Variants in CDC73 observed in about 807,000 individuals in gnomAD.
CDC73 encodes the protein parafibromin.
Under a neutral mutation model 83.7 loss-of-function variants are expected in CDC73, and 21 were observed. The observed-to-expected ratio is 0.25, with a 90% CI of 0.18 to 0.36. The LOEUF (loss-of-function observed/expected upper bound fraction) is 0.36, where lower values mean the gene tolerates loss of function less well. Ranked by LOEUF, CDC73 falls within the 10% of genes least tolerant of loss-of-function variation. CDC73 has a pLI of 1.00. For synonymous variants in CDC73, 224 were observed against 212.9 expected, an observed-to-expected ratio of 1.05 and a Z score of -0.45; for missense variants, 342 against 653.3, an observed-to-expected ratio of 0.52 and a Z score of 5.19.
At chr1:193,196,632 A>G (rs1677007411) in intron 10 of CDC73, among the ~76,000 whole-genome samples, 1 of 152,138 alleles carries the variant, frequency 6.6e-6, no homozygotes, top group African/African-American at 2.4e-5. Flanking sequence ...TTTTAGCAAT[A>G]TTTTATAGTT....
chr1:193,213,246 T>G (rs1024365149), intron 13 of CDC73, among the ~76,000 whole-genome samples: 1 of 152,152 alleles, frequency 6.6e-6, no homozygotes, highest in African/African-American at 2.4e-5. Flanking sequence ...ATATAAAAAT[T>G]GTTTTAAATA....
chr1:193,124,572 T>C (rs1257840366), intron 1 of CDC73, among the ~76,000 whole-genome samples: 1 of 152,222 alleles, frequency 6.6e-6, no homozygotes, highest in South Asian at 2.1e-4. Context: ...CTACATTGTT[T>C]TATCACAGGT....
intron 3 of CDC73, among the ~76,000 whole-genome samples, chr1:193,131,749 A>G (rs987334007): frequency 6.6e-6 from 1 of 152,144 alleles, no homozygotes; most frequent in African/African-American, 2.4e-5. Flanking sequence ...CACATGGCTC[A>G]CTTGCTTACT....
At chr1:193,241,666 T>C (rs1330122356) in intron 15 of CDC73, among the ~76,000 whole-genome samples, 1 of 152,002 alleles carries the variant, frequency 6.6e-6, no homozygotes, top group African/African-American at 2.4e-5. Context: ...GTAACAGTTG[T>C]GGTGGTAGTG....
At chr1:193,132,082 T>G (rs950355027) in intron 3 of CDC73, among the ~76,000 whole-genome samples, 5 of 152,232 alleles carry the variant, frequency 3.3e-5, no homozygotes, top group Non-Finnish European at 7.3e-5. Flanking sequence ...TAATTTACTC[T>G]CTTACAGAGT....
intron 7 of CDC73, among the ~76,000 whole-genome samples, chr1:193,142,727 C>T (rs960151244): frequency 6.6e-6 from 1 of 151,812 alleles, no homozygotes; most frequent in African/African-American, 2.4e-5. Flanking sequence ...CATTGTTGTA[C>T]ACGTACCTTT....
intron 10 of CDC73, among the ~76,000 whole-genome samples, chr1:193,203,298 G>A (rs1677123078): frequency 6.6e-6 from 1 of 151,906 alleles, no homozygotes; most frequent in South Asian, 2.1e-4. Flanking sequence ...TTATAAATGT[G>A]ATTTTTCCTG....
chr1:193,163,475 C>T (rs948059833), intron 10 of CDC73, among the ~76,000 whole-genome samples: 3 of 151,978 alleles, frequency 2.0e-5, no homozygotes, highest in Non-Finnish European at 4.4e-5. Context: ...CCACCACACT[C>T]CAGCGTGGGC....
At chr1:193,225,608 A>G (rs960270635) in intron 13 of CDC73, among the ~76,000 whole-genome samples, 6 of 152,046 alleles carry the variant, frequency 3.9e-5, no homozygotes, top group Admixed American at 2.0e-4. Flanking sequence ...TTCTTGCAGA[A>G]GTAAGGCAGT....
Position 193,130,203 on chromosome 1 carries a change from T to C in CDC73, c.267T>C (p.Pro89=), listed in dbSNP as rs1675670595. The C allele has an allele frequency of 6.2e-7, 1 of 1,604,554 alleles. No homozygotes were observed. The highest frequency in any genetic ancestry group is 8.5e-7 in the Non-Finnish European group (1 of 1,171,628). ...AAAATATTCCTGTGGTTAGAAGACC[T>C]GATCGAAAAGATCTACTTGGATATC... ...ATENIPVVRR[P]DRKDLLGYLN... is the part of the protein sequence containing the mutation. Residue 89 remains proline, a synonymous_variant, in exon 3 of 17, where the codon CCT becomes CCC. Transcript: ENST00000367435.
intron 10 of CDC73, among the ~76,000 whole-genome samples, chr1:193,157,739 C>T (rs898278559): frequency 6.6e-6 from 1 of 152,164 alleles, no homozygotes. Flanking sequence ...CTAGAGGCAG[C>T]ACCAGTTTGT....
chr1:193,236,270 C>A lies in CDC73; in HGVS notation c.1331C>A (p.Ala444Asp), dbSNP rs1677756540. ...TCTACTTGTAGGGACCGCGTTGTAG[C>A]CGTTTTTGTGCAGGGTCCTGCATGG... ...LMPQDWDRVV[A>D]VFVQGPAWQF... The change falls in exon 15 of 17, where the codon GCC becomes GAC. Residue 444 changes from alanine to aspartate, a missense_variant. Physicochemically the swap from Ala to Asp is moderately radical, Grantham distance 126 (BLOSUM62 -2). This residue lies in a region of CDC73 where 239 missense variants were observed against 420.6 expected (regional missense o/e 0.57). Transcript: ENST00000367435. The A allele has an allele frequency of 6.2e-7, 1 of 1,613,376 alleles. No individual in the cohort carries two copies. The highest frequency in any genetic ancestry group is 1.7e-5 in the Admixed American group (1 of 59,998).
chr1:193,233,244 A>G, intron 14 of CDC73, 90 bp downstream of exon 14: 1 of 1,181,810 alleles, frequency 8.5e-7, no homozygotes, highest in Non-Finnish European at 1.3e-6. Context: ...TTGCTTTTTA[A>G]GAGATGGGGT....
At position 193,193,780 on chromosome 1, in the gene CDC73, A is replaced by AGTGTGTGTGTGTGT. The variant is rs71111459; in HGVS notation, c.973-9978_973-9965dup. Among the ~76,000 whole-genome samples the AGTGTGTGTGTGTGT allele has an allele frequency of 5.2e-5, 7 of 135,914 alleles. No homozygotes were observed. In the East Asian group the frequency reaches 8.9e-4, roughly 17 times the overall value. 89.2% of individuals were successfully genotyped at this position (135,914 alleles called of 152,430 possible). Reference sequence around the variant, plus strand: ...AGAACATTTCAGCTGTCTTACTTGTAGTGTGTGTGTGTGTGTGTGTGTGTG... The same window carrying AGTGTGTGTGTGTGT: ...AGAACATTTCAGCTGTCTTACTTGTAGTGTGTGTGTGTGTGTGTGTGTGTGTGTGTGTGTGTGTG... On this transcript the variant is annotated intron_variant, in intron 10 of 16. Coordinates refer to ENST00000367435, the MANE Select transcript of CDC73 (RefSeq NM_024529.5).
At chr1:193,234,167 TCTCTCTCTCACACA>T (rs1677708729) in intron 14 of CDC73, among the ~76,000 whole-genome samples, 1 of 86,690 alleles carries the variant, frequency 1.2e-5, no homozygotes, top group East Asian at 2.5e-4. Flanking sequence ...TCTCTCTCTC[TCTCTCTCTCACACA>T]CACACACACA....
chr1:193,134,129 T>C (rs1413810776), intron 3 of CDC73, among the ~76,000 whole-genome samples: 2 of 152,100 alleles, frequency 1.3e-5, no homozygotes, highest in African/African-American at 4.8e-5. Flanking sequence ...GTTTAGCTTT[T>C]TTACCAGTTG....
chr1:193,211,483 T>C (rs920744859), intron 11 of CDC73, among the ~76,000 whole-genome samples: 4 of 152,210 alleles, frequency 2.6e-5, no homozygotes, highest in Non-Finnish European at 4.4e-5. Context: ...TTTCACCTTT[T>C]CACCTAAGGG....
intron 7 of CDC73, among the ~76,000 whole-genome samples, chr1:193,144,091 C>T (rs1572156054): frequency 9.0e-6 from 1 of 111,430 alleles, no homozygotes; most frequent in Non-Finnish European, 1.7e-5. Flanking sequence ...GCCTGGGTGA[C>T]AGAGTGAGAC....
At chr1:193,178,382 T>C (rs1465321194) in intron 10 of CDC73, among the ~76,000 whole-genome samples, 7 of 152,182 alleles carry the variant, frequency 4.6e-5, no homozygotes, top group African/African-American at 1.7e-4. Context: ...CTGTTTTTCA[T>C]GAGTCATTTT....
Sources: allele counts gnomAD v4.1 joint callset (sites outside exome capture counted in the v4.1 genomes callset), GRCh38; gene constraint gnomAD v4.1.1; regional missense constraint gnomAD v4.1.1; transcripts MANE v1.5; gene names NCBI Gene and HGNC (gene_info 2026-07-23, HGNC 2026-07-21).